MAML2: variants seen among roughly 807,000 people sequenced by gnomAD.
MAML2 encodes mastermind-like protein 2.
In MAML2, 22 loss-of-function variants were observed where a neutral mutation model predicts 96.1. That is an observed-to-expected ratio of 0.23 (90% CI 0.16 to 0.33). The LOEUF is 0.33. MAML2 is among the 10% of genes least tolerant of loss of function. The pLI is 1.00. For synonymous variants in MAML2, 561 were observed against 521.3 expected (o/e 1.08, Z -1.04); for missense variants, 1,367 against 1,392.4 (o/e 0.98, Z 0.29).
rs186705459 is a variant in MAML2 at position 96,226,966 on chromosome 11, G to T, written c.513+114417C>A. ...ATTCATTAGTGAAACAGTAAAAAATGTTACGTTCAATGGAGGAATATGAAA... is the reference window on the plus strand; with the variant it reads ...ATTCATTAGTGAAACAGTAAAAAATTTTACGTTCAATGGAGGAATATGAAA... On this transcript the variant is annotated intron_variant, in intron 1 of 4. Coordinates refer to ENST00000524717, the MANE Select transcript of MAML2 (RefSeq NM_032427.4). 2.6e-5 allele frequency among the ~76,000 whole-genome samples: 4 copies of T among 152,266 alleles called. No homozygotes were observed. In the East Asian group the frequency reaches 7.7e-4, roughly 29 times the overall value.
chr11:96,198,787 A>G (rs964666444), intron 1 of MAML2, among the ~76,000 whole-genome samples: 17 of 152,262 alleles, frequency 1.1e-4, no homozygotes, highest in African/African-American at 3.8e-4. Flanking sequence ...GGCTGGTCAC[A>G]TAACCACCCA....
At chr11:96,068,264 C>G (rs1859274968) in intron 2 of MAML2, among the ~76,000 whole-genome samples, 1 of 152,152 alleles carries the variant, frequency 6.6e-6, no homozygotes, top group African/African-American at 2.4e-5. Context: ...ATGACTTTCT[C>G]TACTACAATA....
At chr11:96,190,212 T>C (rs1366600960) in intron 1 of MAML2, among the ~76,000 whole-genome samples, 1 of 152,204 alleles carries the variant, frequency 6.6e-6, no homozygotes, top group Non-Finnish European at 1.5e-5. Context: ...TGGATATACA[T>C]GTGTTAGGCA....
chr11:96,149,651 T>C (rs1333197475), intron 1 of MAML2, among the ~76,000 whole-genome samples: 1 of 151,604 alleles, frequency 6.6e-6, no homozygotes, highest in African/African-American at 2.4e-5. Context: ...AGAATTGCTT[T>C]TGAACCCAGT....
At chr11:96,074,881 A>C (rs1219117522) in intron 2 of MAML2, among the ~76,000 whole-genome samples, 1 of 152,200 alleles carries the variant, frequency 6.6e-6, no homozygotes. Flanking sequence ...AGAGTGGTCA[A>C]TAAATAATAC....
intron 1 of MAML2, among the ~76,000 whole-genome samples, chr11:96,221,819 T>C (rs1231968506): frequency 6.6e-6 from 1 of 151,734 alleles, no homozygotes; most frequent in Non-Finnish European, 1.5e-5. Flanking sequence ...ATGTGGCAGA[T>C]GTGAGCAGAA....
chr11:96,252,700 G>C (rs1285489025), intron 1 of MAML2, among the ~76,000 whole-genome samples: 2 of 152,136 alleles, frequency 1.3e-5, no homozygotes, highest in African/African-American at 2.4e-5. Flanking sequence ...GCTATCTTCA[G>C]ATGAGGCACC....
chr11:96,014,400 G>A (rs1858311583), intron 2 of MAML2, among the ~76,000 whole-genome samples: 1 of 152,142 alleles, frequency 6.6e-6, no homozygotes, highest in South Asian at 2.1e-4. Flanking sequence ...AGCAGCCTGA[G>A]AGGAAACCAC....
At chr11:95,999,232 AG>A (rs1396727222) in intron 2 of MAML2, among the ~76,000 whole-genome samples, 1 of 152,214 alleles carries the variant, frequency 6.6e-6, no homozygotes, top group African/African-American at 2.4e-5. Context: ...CCAAAAGCAG[AG>A]GATAGGCCTG....
intron 1 of MAML2, among the ~76,000 whole-genome samples, chr11:96,121,915 C>T (rs12289248): frequency 0.34 from 47,106 of 139,010 alleles, 8,291 homozygotes; most frequent in Middle Eastern, 0.57. Flanking sequence ...GCCTCCCTAG[C>T]AGCTGGGACT....
At chr11:96,074,839 C>T (rs556799894) in intron 2 of MAML2, among the ~76,000 whole-genome samples, 23 of 152,318 alleles carry the variant, frequency 1.5e-4, no homozygotes, top group African/African-American at 4.8e-4. Flanking sequence ...GCCTTCACTT[C>T]CTTTCTGTTG....
In MAML2 at chr11:96,092,817, G is replaced by A; in HGVS notation, c.1214C>T (p.Pro405Leu). ...CTGAGCCTGGCTCTGAGGGACTGAA[G>A]GGATTGGAGACGAAGTGGAGAGGGC... ...NSALSTSSPI[P>L]SVPQSQAQPQ... Residue 405 changes from proline (P) to leucine (L), a missense_variant, in exon 2 of 5, where the codon CCT becomes CTT. Transcript: ENST00000524717. The surrounding 1 kb of genome is among the most constrained non-coding windows in gnomAD (Gnocchi z 4.1). 1 of 1,610,448 alleles carries A rather than the reference G, an allele frequency of 6.2e-7. No individual in the cohort carries two copies. Among genetic ancestry groups the A allele is most frequent in the South Asian group, 1.1e-5 (1 of 90,622 alleles).
At chr11:96,119,557 A>G (rs2135842753) in intron 1 of MAML2, among the ~76,000 whole-genome samples, 1 of 152,226 alleles carries the variant, frequency 6.6e-6, no homozygotes, top group East Asian at 1.9e-4. Context: ...ATTTTAAGCG[A>G]CTCAATTTGT....
At chr11:96,178,551 C>T (rs1263340239) in intron 1 of MAML2, among the ~76,000 whole-genome samples, 1 of 152,116 alleles carries the variant, frequency 6.6e-6, no homozygotes, top group Non-Finnish European at 1.5e-5. Flanking sequence ...GAAATGGCTG[C>T]AGGAGTGATT....
At chr11:96,288,449 G>C (rs2135990360) in intron 1 of MAML2, among the ~76,000 whole-genome samples, 1 of 151,920 alleles carries the variant, frequency 6.6e-6, no homozygotes, top group African/African-American at 2.4e-5. Flanking sequence ...GGCCGAGGCA[G>C]GAGAATTGCT....
At chr11:96,189,966 C>CT (rs1275709281) in intron 1 of MAML2, among the ~76,000 whole-genome samples, 14 of 152,160 alleles carry the variant, frequency 9.2e-5, no homozygotes, top group African/African-American at 3.4e-4. Flanking sequence ...GTAGGTGTCA[C>CT]TAGATGACAC....
At chr11:96,071,079 G>A (rs748264263) in intron 2 of MAML2, among the ~76,000 whole-genome samples, 3 of 152,250 alleles carry the variant, frequency 2.0e-5, no homozygotes, top group Admixed American at 6.5e-5. Context: ...TCTGAGTGGA[G>A]AAGGTGGGTA....
At chr11:96,021,146 T>G (rs1380565065) in intron 2 of MAML2, among the ~76,000 whole-genome samples, 3 of 152,182 alleles carry the variant, frequency 2.0e-5, no homozygotes, top group Non-Finnish European at 4.4e-5. Flanking sequence ...CTCTCCTATG[T>G]GCTTCCATAG....
intron 1 of MAML2, among the ~76,000 whole-genome samples, chr11:96,103,987 T>A (rs1041697365): frequency 1.3e-5 from 2 of 152,244 alleles, no homozygotes; most frequent in Non-Finnish European, 2.9e-5. Context: ...TAACTCTTCC[T>A]TCTCCTATCA....
Sources: allele counts gnomAD v4.1 joint callset (sites outside exome capture counted in the v4.1 genomes callset), GRCh38; gene constraint gnomAD v4.1.1; non-coding constraint Gnocchi (gnomAD v3.1); transcripts MANE v1.5; gene names NCBI Gene and HGNC (gene_info 2026-07-23, HGNC 2026-07-21).